The following CCDC57 variants were observed in gnomAD, a reference collection of about 807,000 sequenced individuals.
CCDC57 encodes the protein coiled-coil domain-containing protein 57.
CCDC57 carries 118 observed loss-of-function variants against 118.9 expected under a neutral mutation model. The ratio of observed to expected loss-of-function variants is 0.99; its 90% CI spans 0.86 to 1.16. The LOEUF is 1.16. Among genes scored for constraint, CCDC57 ranks in the 50% most tolerant of loss-of-function variants. CCDC57 has a pLI of 0.00. For synonymous variants in CCDC57, 527 were observed against 532.9 expected (o/e 0.99, Z 0.15); for missense variants, 1,300 against 1,320.7 (o/e 0.98, Z 0.24).
chr17:82,180,322 A>G (rs1185379426), intron 9 of CCDC57, among the ~76,000 whole-genome samples: 1 of 152,120 alleles, frequency 6.6e-6, no homozygotes, highest in Non-Finnish European at 1.5e-5. Flanking sequence ...CCTGGCCATC[A>G]TTGATTCCAG....
At chr17:82,136,738 C>T (rs1268581846) in intron 16 of CCDC57, among the ~76,000 whole-genome samples, 2 of 151,948 alleles carry the variant, frequency 1.3e-5, no homozygotes, top group Non-Finnish European at 2.9e-5. Context: ...GCTGGGACCA[C>T]ACCCAGCCAA....
intron 1 of CCDC57, among the ~76,000 whole-genome samples, chr17:82,210,155 G>A (rs759037606): frequency 1.3e-5 from 2 of 152,082 alleles, no homozygotes; most frequent in Admixed American, 6.5e-5. Flanking sequence ...AACAAAGTAC[G>A]TGATAGCGAT....
intron 14 of CCDC57, among the ~76,000 whole-genome samples, chr17:82,162,101 G>A (rs1207590635): frequency 6.6e-6 from 1 of 152,086 alleles, no homozygotes; most frequent in Non-Finnish European, 1.5e-5. Context: ...CTGGGTTCAA[G>A]CGATTCTCCC....
At chr17:82,116,437 G>C (rs2035929720) in intron 19 of CCDC57, among the ~76,000 whole-genome samples, 1 of 152,024 alleles carries the variant, frequency 6.6e-6, no homozygotes, top group Non-Finnish European at 1.5e-5. Context: ...ATCTTGATGA[G>C]GCTCTACATG....
exon 18 of CCDC57, chr17:82,128,500 C>A: frequency 6.4e-7 from 1 of 1,557,466 alleles, no homozygotes; most frequent in South Asian, 1.2e-5. Flanking sequence ...CACCTTCGGG[C>A]CTTGCAGGGC....
chr17:82,157,876 C>G (rs1444380819), exon 15 of CCDC57: 2 of 1,580,626 alleles, frequency 1.3e-6, no homozygotes, highest in Non-Finnish European at 1.7e-6. Flanking sequence ...TCCAAAACCT[C>G]CAGGTGTACC....
intron 19 of CCDC57, chr17:82,126,923 A>T: frequency 1.0e-6 from 1 of 985,412 alleles, no homozygotes; most frequent in African/African-American, 1.7e-5. Flanking sequence ...CCATGCAGGC[A>T]CACAGGAAGG....
chr17:82,144,961 G>A (rs1264822935), intron 16 of CCDC57, among the ~76,000 whole-genome samples: 1 of 150,968 alleles, frequency 6.6e-6, no homozygotes, highest in Non-Finnish European at 1.5e-5. Flanking sequence ...ATTTAAAACA[G>A]GAAATCCTTT....
At chr17:82,101,988 C>T in intron 19 of CCDC57, 122 bp from the exon 19 acceptor site, 2 of 1,000,704 alleles carry the variant, frequency 2.0e-6, no homozygotes, top group South Asian at 2.0e-5. Flanking sequence ...GCCCTGTGAC[C>T]CTTGGCCTGG....
chr17:82,167,888 T>C (rs1481017036), intron 13 of CCDC57, among the ~76,000 whole-genome samples: 1 of 152,262 alleles, frequency 6.6e-6, no homozygotes, highest in African/African-American at 2.4e-5. Context: ...AGTGCTGGGA[T>C]GACAGGCATG....
chr17:82,109,047 C>T (rs1298561105), intron 19 of CCDC57: 1 of 152,268 alleles, frequency 6.6e-6, no homozygotes, highest in East Asian at 1.9e-4. Context: ...TAAACATAAA[C>T]CTCCAAATAC....
intron 13 of CCDC57, 113 bp from the exon 13 acceptor site, chr17:82,163,470 G>A (rs1266756820): frequency 1.2e-5 from 15 of 1,299,856 alleles, no homozygotes; most frequent in East Asian, 5.0e-5. Context: ...TGGCACCAGC[G>A]GCTGACCCCA....
At chr17:82,132,589 C>T (rs2038548874) in intron 17 of CCDC57, among the ~76,000 whole-genome samples, 1 of 152,006 alleles carries the variant, frequency 6.6e-6, no homozygotes, top group African/African-American at 2.4e-5. Flanking sequence ...TTCCTTCCTT[C>T]TTTGTTTTTT....
In CCDC57 at chr17:82,172,800, G is replaced by T; in HGVS notation, c.1567C>A (p.Arg523=). ...AAGCTCGTGTTCTGCTCTCGGAGCC[G>T]CTGGATCTCACTGGATGGAAAGTCT... Residue 523 remains arginine, a synonymous_variant, in exon 12 of 20, where the codon CGG becomes AGG. Coordinates refer to ENST00000665763, the Ensembl canonical transcript of CCDC57. This position sits in a 1 kb window ranked among gnomAD's most constrained non-coding sequence, Gnocchi z 5.2. 6.2e-7 allele frequency: 1 copy of T among 1,613,456 alleles called. No homozygotes were observed. Among genetic ancestry groups the T allele is most frequent in the Non-Finnish European group, 8.5e-7 (1 of 1,179,728 alleles).
At chr17:82,177,299 CT>C (rs1325379835) in intron 11 of CCDC57, among the ~76,000 whole-genome samples, 1 of 151,904 alleles carries the variant, frequency 6.6e-6, no homozygotes, top group East Asian at 1.9e-4. Context: ...TCACTTGAAC[CT>C]GGGAGGCGGA....
chr17:82,107,159 C>A (rs1212076918), intron 19 of CCDC57, among the ~76,000 whole-genome samples: 2 of 152,268 alleles, frequency 1.3e-5, no homozygotes, highest in Non-Finnish European at 2.9e-5. Context: ...GGGCCACATG[C>A]CTGGCCAAAG....
At chr17:82,135,930 A>G (rs1225856946) in intron 16 of CCDC57, among the ~76,000 whole-genome samples, 1 of 152,228 alleles carries the variant, frequency 6.6e-6, no homozygotes. Flanking sequence ...TAAAAAAAAT[A>G]AAGTTTTTAA....
At chr17:82,157,411 C>G (rs766566845) in intron 15 of CCDC57, 65 of 1,263,668 alleles carry the variant, frequency 5.1e-5, no homozygotes, top group Non-Finnish European at 6.4e-5. Context: ...GCCGTCAAGG[C>G]CCTGCATTAA....
At chr17:82,194,022 C>T (rs2048002048) in exon 6 of CCDC57, 2 of 1,612,912 alleles carry the variant, frequency 1.2e-6, no homozygotes, top group Middle Eastern at 1.6e-4. Flanking sequence ...AGCTCCCCGG[C>T]TCGGCTCTGG....
Sources: allele counts gnomAD v4.1 joint callset (sites outside exome capture counted in the v4.1 genomes callset), GRCh38; gene constraint gnomAD v4.1.1; non-coding constraint Gnocchi (gnomAD v3.1); transcripts MANE v1.5; gene names NCBI Gene and HGNC (gene_info 2026-07-23, HGNC 2026-07-21).